NME5: variants seen among roughly 807,000 people sequenced by gnomAD.
NME5 encodes the protein nucleoside diphosphate kinase 5.
In NME5, 18 loss-of-function variants were observed where a neutral mutation model predicts 21.6. The observed-to-expected ratio is 0.83, with a 90% CI of 0.58 to 1.24. The LOEUF (loss-of-function observed/expected upper bound fraction) is 1.24. NME5 is among the 50% of genes most tolerant of loss of function. The pLI is 0.00. For synonymous variants in NME5, 70 were observed against 80.6 expected (o/e 0.87, Z 0.71); for missense variants, 223 against 255.4 (o/e 0.87, Z 0.86).
intron 2 of NME5, among the ~76,000 whole-genome samples, chr5:138,133,314 G>T (rs182309617): frequency 2.0e-5 from 3 of 151,746 alleles, no homozygotes; most frequent in Admixed American, 6.6e-5. Context: ...CACCGTGTTA[G>T]CCAGGATGGT....
chr5:138,138,993 G>T, intron 1 of NME5: 1 of 433,158 alleles, frequency 2.3e-6, no homozygotes, highest in Non-Finnish European at 4.0e-6. Flanking sequence ...TCCAAATCGA[G>T]CCCCGGCTTT....
At chr5:138,129,637 T>C (rs1751513594) in intron 2 of NME5, among the ~76,000 whole-genome samples, 169 bp from the exon 3 acceptor site, 1 of 152,168 alleles carries the variant, frequency 6.6e-6, no homozygotes, top group Non-Finnish European at 1.5e-5. Flanking sequence ...GTAAATAAGA[T>C]AGTAAGAGGA....
intron 2 of NME5, among the ~76,000 whole-genome samples, chr5:138,136,382 T>C (rs922017797): frequency 6.6e-6 from 1 of 152,250 alleles, no homozygotes; most frequent in Non-Finnish European, 1.5e-5. Context: ...TAGTTTTAAC[T>C]TGCTTTTTTT....
intron 2 of NME5, among the ~76,000 whole-genome samples, chr5:138,132,354 GA>G (rs1019617726): frequency 2.8e-4 from 41 of 148,590 alleles, no homozygotes; most frequent in Middle Eastern, 3.4e-3. Context: ...GGTCTCAAAA[GA>G]AAAAAAAAAT....
rs1399681309 is a variant in NME5 at position 138,138,632 on chromosome 5, TCATC to T, written c.129+16_129+19del. The T allele has an allele frequency of 1.9e-6, 3 of 1,596,618 alleles. No homozygotes were observed. The highest frequency in any genetic ancestry group is 4.5e-5 in the East Asian group (2 of 44,734). ...AGGGCAGAGAGGAAAAAAGCATGAA[TCATC>T]ATACCCAGAAGTTACCTGAACAATG... On this transcript the variant is annotated intron_variant, in intron 2 of 5. Transcript: ENST00000265191.
intron 2 of NME5, among the ~76,000 whole-genome samples, chr5:138,137,017 G>A (rs1015125729): frequency 1.3e-5 from 2 of 150,148 alleles, no homozygotes; most frequent in African/African-American, 4.9e-5. Flanking sequence ...AAAAAAGGCT[G>A]TCCTACTCCA....
At chr5:138,136,669 T>A (rs926466602) in intron 2 of NME5, among the ~76,000 whole-genome samples, 2 of 151,856 alleles carry the variant, frequency 1.3e-5, no homozygotes, top group Non-Finnish European at 2.9e-5. Flanking sequence ...TTTTCGAGAG[T>A]TTCGCTCTTG....
chr5:138,138,710 A>G lies in NME5; in HGVS notation c.71T>C (p.Val24Ala). ...KTLAIIKPDI[V>A]DKEEEIQDII... Reference sequence around the variant, plus strand: ...ATCTTGTATCTCCTCCTCTTTGTCAACAATATCTGGTTTGATAATGGCCAG... The same window carrying G: ...ATCTTGTATCTCCTCCTCTTTGTCAGCAATATCTGGTTTGATAATGGCCAG... Residue 24 changes from valine to alanine, a missense_variant, in exon 2 of 6, where the codon GTT becomes GCT. Transcript: ENST00000265191. 1 of 1,613,138 alleles carries G rather than the reference A, an allele frequency of 6.2e-7. No individual in the cohort carries two copies.
intron 2 of NME5, among the ~76,000 whole-genome samples, chr5:138,135,428 G>A (rs563849704): frequency 5.9e-5 from 9 of 151,366 alleles, no homozygotes; most frequent in East Asian, 2.0e-4. Context: ...TCCGCCTCCC[G>A]GGTTCACGCC....
intron 2 of NME5, among the ~76,000 whole-genome samples, chr5:138,136,890 AC>A (rs1217604261): frequency 2.0e-5 from 3 of 151,492 alleles, no homozygotes; most frequent in Non-Finnish European, 4.4e-5. Flanking sequence ...TGATCAACTC[AC>A]CTTGGCCTCC....
At chr5:138,118,484 GA>G (rs1298680432) in intron 5 of NME5, among the ~76,000 whole-genome samples, 9 of 143,724 alleles carry the variant, frequency 6.3e-5, no homozygotes, top group East Asian at 2.2e-4. Context: ...ACAATTTATA[GA>G]AAAAAAAATT....
intron 2 of NME5, among the ~76,000 whole-genome samples, chr5:138,135,056 C>T (rs1353886953): frequency 1.3e-5 from 2 of 148,446 alleles, no homozygotes; most frequent in Non-Finnish European, 3.0e-5. Flanking sequence ...TAGTGGCTCA[C>T]GCCTGTAATC....
chr5:138,120,810 A>ATG (rs1423188635), intron 4 of NME5, among the ~76,000 whole-genome samples: 1 of 152,142 alleles, frequency 6.6e-6, no homozygotes, highest in Non-Finnish European at 1.5e-5. Context: ...CTAGCACCAT[A>ATG]TACAGACTTT....
At chr5:138,128,789 A>C in intron 3 of NME5, 1 of 451,888 alleles carries the variant, frequency 2.2e-6, no homozygotes, top group Non-Finnish European at 3.9e-6. Context: ...TACACTGAGA[A>C]AATAGGAGTT....
At position 138,115,657 on chromosome 5, in the gene NME5, T is replaced by C; in HGVS notation, c.*24A>G. On this transcript the variant is annotated 3_prime_UTR_variant, in exon 6 of 6. Transcript: ENST00000265191. ...CCTTTTATAATAAGATAGTTCATGA[T>C]TTGTTCTTTCGAGGATTTTTTTTTT... 6.9e-7 allele frequency: 1 copy of C among 1,454,744 alleles called. No individual in the cohort carries two copies. Among genetic ancestry groups the C allele is most frequent in the South Asian group, 1.3e-5 (1 of 77,248 alleles). The allele number at this position is 1,454,744 out of a possible 1,614,324, so 90.1% of individuals were successfully genotyped here.
chr5:138,121,651 T>C (rs1751288041), intron 4 of NME5, among the ~76,000 whole-genome samples: 1 of 152,178 alleles, frequency 6.6e-6, no homozygotes, highest in Non-Finnish European at 1.5e-5. Context: ...CAATAATCTA[T>C]ATGTGTATCT....
intron 2 of NME5, among the ~76,000 whole-genome samples, chr5:138,130,340 G>C (rs1751532332): frequency 6.6e-6 from 1 of 150,816 alleles, no homozygotes; most frequent in Admixed American, 6.6e-5. Flanking sequence ...ATGATAACAC[G>C]ACTGCACTCC....
In NME5 at chr5:138,137,002, A is replaced by T. The variant is rs1751714340; in HGVS notation, c.129+1650T>A. Among the ~76,000 whole-genome samples the T allele has an allele frequency of 2.0e-5, 3 of 148,002 alleles. No homozygotes were observed. In the South Asian group the frequency reaches 6.3e-4, roughly 31 times the overall value. ...GGCTCCTAGACCTTAAGTCATAACA[A>T]AAAAAAAAAAGGCTGTCCTACTCCA... is the stretch of plus-strand genomic sequence containing the variant. On this transcript the variant is annotated intron_variant, in intron 2 of 5. Transcript: ENST00000265191.
chr5:138,121,049 G>A (rs886983174), intron 4 of NME5, among the ~76,000 whole-genome samples: 1 of 151,840 alleles, frequency 6.6e-6, no homozygotes, highest in African/African-American at 2.4e-5. Context: ...ATTATGAGCT[G>A]GGCACAGTGG....
Sources: gnomAD v4.1 joint callset for allele counts (sites outside exome capture counted in the v4.1 genomes callset) on GRCh38, gnomAD v4.1.1 for gene constraint, MANE v1.5 for transcripts, NCBI Gene and HGNC (gene_info 2026-07-23, HGNC 2026-07-21) for gene names.